The following PRRC2B variants were observed in gnomAD, a reference collection of about 807,000 sequenced individuals.
PRRC2B encodes proline rich coiled-coil 2B.
PRRC2B carries 68 observed loss-of-function variants against 242.3 expected under a neutral mutation model. That is an observed-to-expected ratio of 0.28 (90% CI 0.23 to 0.34). The LOEUF (loss-of-function observed/expected upper bound fraction) is 0.34, where lower values mean the gene tolerates loss of function less well. Among genes scored for constraint, PRRC2B ranks in the 10% least tolerant of loss-of-function variants. The pLI is 1.00. For missense variants in PRRC2B, 2,835 were observed against 2,954.8 expected, an observed-to-expected ratio of 0.96 and a Z score of 0.94; for synonymous variants, 1,228 against 1,173.6, an observed-to-expected ratio of 1.05 and a Z score of -0.95.
intron 28 of PRRC2B, 73 bp downstream of exon 28, chr9:131,488,169 G>GCCTCTCA (rs1944079907): frequency 6.6e-7 from 1 of 1,519,818 alleles, no homozygotes; most frequent in African/African-American, 1.4e-5. Context: ...CTTTTCACCC[G>GCCTCTCA]CCTCTCAGTG....
intron 1 of PRRC2B, among the ~76,000 whole-genome samples, chr9:131,420,458 TTTC>T (rs1564278479): frequency 2.3e-4 from 2 of 8,772 alleles, no homozygotes; most frequent in Non-Finnish European, 1.0e-3. Context: ...TTTCTTTTTC[TTTC>T]TTTCTTTCTT....
In PRRC2B at chr9:131,475,969, A is replaced by G. The variant is rs761040726; in HGVS notation, c.3840A>G (p.Arg1280=). The part of the protein sequence containing the change: ...GFEDSRAEDK[R]SFFQDEHVAD... The stretch of plus-strand genomic sequence containing the variant: ...AGGACAGCCGCGCGGAGGACAAGAG[A>G]TCCTTCTTCCAAGATGAACACGTGG... Residue 1280 remains arginine (R), a synonymous_variant, in exon 16 of 32, where the codon AGA becomes AGG. Coordinates refer to ENST00000683519, the MANE Select transcript of PRRC2B (RefSeq NM_013318.4). 3.4e-5 allele frequency: 55 copies of G among 1,611,456 alleles called. No homozygotes were observed. Among genetic ancestry groups the G allele is most frequent in the Non-Finnish European group, 4.4e-5 (52 of 1,178,014 alleles).
chr9:131,447,948 C>A, intron 9 of PRRC2B, 144 bp downstream of exon 9: 2 of 737,588 alleles, frequency 2.7e-6, no homozygotes, highest in East Asian at 3.0e-5. Context: ...AGACCTGATG[C>A]CCTCCTTCCT....
intron 14 of PRRC2B, 87 bp from the exon 15 acceptor site, chr9:131,473,418 CTGT>C: frequency 1.2e-6 from 1 of 827,420 alleles, no homozygotes; most frequent in South Asian, 1.7e-5. Flanking sequence ...GTCAGGGTAA[CTGT>C]TAACTTCTTT....
chr9:131,450,777 G>A (rs537899344), intron 9 of PRRC2B, among the ~76,000 whole-genome samples: 2 of 144,698 alleles, frequency 1.4e-5, no homozygotes, highest in Non-Finnish European at 3.0e-5. Context: ...TAGTAGAGAC[G>A]AAGTTTCACC....
At chr9:131,467,064 G>A (rs1943416801) in intron 12 of PRRC2B, among the ~76,000 whole-genome samples, 1 of 151,850 alleles carries the variant, frequency 6.6e-6, no homozygotes, top group African/African-American at 2.4e-5. Context: ...GCCTCCCAAA[G>A]TGCTGGGATT....
rs774217463 is a variant in PRRC2B at position 131,446,604 on chromosome 9, T to A, written c.817T>A (p.Tyr273Asn). The A allele has an allele frequency of 1.2e-6, 2 of 1,614,014 alleles. No individual in the cohort carries two copies. The highest frequency in any genetic ancestry group is 2.2e-5 in the South Asian group (2 of 91,090). The change falls in exon 7 of 32, where the codon TAC (tyrosine) becomes AAC (asparagine). Residue 273 changes from tyrosine to asparagine, a missense_variant. By Grantham distance (143) the Tyr-to-Asn change is moderately radical. Transcript: ENST00000683519. This position sits in a 1 kb window ranked among gnomAD's most constrained non-coding sequence, Gnocchi z 4.1. ...KGASQFMGNV[Y>N]HPPTYHDMLP... ...GGCTTCACAGTTCATGGGAAATGTA[T>A]ACCACCCACCTACATACCATGACAT...
In PRRC2B at chr9:131,447,784, A is replaced by G. The variant is rs1838851860; in HGVS notation, c.1100A>G (p.Asp367Gly). 3 of 1,613,198 alleles carry G rather than the reference A, an allele frequency of 1.9e-6. No homozygotes were observed. The highest frequency in any genetic ancestry group is 2.5e-6 in the Non-Finnish European group (3 of 1,179,362). The part of the protein sequence containing the change: ...NLKGLDDLDA[D>G]ADDGWAGLHE... ...AAGGGCCTTGACGATCTGGACGCCG[A>G]TGCCGATGATGGCTGGGCAGGTGGG... The change falls in exon 9 of 32, where the codon GAT becomes GGT. Residue 367 changes from aspartate (D) to glycine (G), a missense_variant. Asp to Gly is a moderately conservative substitution (Grantham distance 94, BLOSUM62 -1). This residue lies in a region of PRRC2B where 626 missense variants were observed against 685.5 expected (regional missense o/e 0.91). Coordinates refer to ENST00000683519, the MANE Select transcript of PRRC2B (RefSeq NM_013318.4).
chr9:131,479,108 T>A, intron 18 of PRRC2B, 144 bp from the exon 19 acceptor site: 1 of 775,970 alleles, frequency 1.3e-6, no homozygotes, highest in South Asian at 1.8e-5. Context: ...CAGTTCTGCT[T>A]GAGGTTTTGG....
intron 1 of PRRC2B, among the ~76,000 whole-genome samples, chr9:131,386,173 C>T (rs11243386): frequency 0.11 from 16,906 of 149,296 alleles, 1,686 homozygotes; most frequent in African/African-American, 0.19. Context: ...AGTGCAGTGG[C>T]GTGAACATGT....
At chr9:131,394,468 C>A (rs1283328941) in intron 1 of PRRC2B, among the ~76,000 whole-genome samples, 1 of 146,496 alleles carries the variant, frequency 6.8e-6, no homozygotes, top group African/African-American at 2.5e-5. Flanking sequence ...GGCCGCGGGG[C>A]CTGGGGGCGG....
intron 13 of PRRC2B, among the ~76,000 whole-genome samples, chr9:131,469,827 C>G (rs968600478): frequency 7.2e-5 from 11 of 152,202 alleles, no homozygotes; most frequent in African/African-American, 2.7e-4. Flanking sequence ...TTTGTTTACC[C>G]ATTTGTGCAA....
intron 1 of PRRC2B, among the ~76,000 whole-genome samples, chr9:131,420,508 T>TCCTTTC (rs1837807733): frequency 1.5e-5 from 2 of 129,502 alleles, no homozygotes; most frequent in African/African-American, 5.8e-5. Context: ...TTTTTTTTTT[T>TCCTTTC]TTGAGATGGA....
Position 131,484,881 on chromosome 9 carries a change from A to C in PRRC2B, c.5566-67A>C, listed in dbSNP as rs901956998. Reference sequence around the variant, plus strand: ...AGGAGTCCCCGAACCCCTAAAGCTTAGATTGGCTCTGTCCACTGCCAGCGT... The same window carrying C: ...AGGAGTCCCCGAACCCCTAAAGCTTCGATTGGCTCTGTCCACTGCCAGCGT... On this transcript the variant is annotated intron_variant, in intron 24 of 31. Transcript: ENST00000683519. 5.1e-6 allele frequency: 8 copies of C among 1,571,454 alleles called. No homozygotes were observed. The Admixed American group carries it at 1.0e-4, about 21-fold the overall frequency.
chr9:131,448,130 C>T (rs963978130), intron 9 of PRRC2B: 7 of 220,184 alleles, frequency 3.2e-5, no homozygotes, highest in African/African-American at 1.6e-4. Context: ...CAATAAGTAC[C>T]AATGTTCTGC....
At chr9:131,477,170 C>G (rs535175180) in intron 16 of PRRC2B, among the ~76,000 whole-genome samples, 1 of 152,214 alleles carries the variant, frequency 6.6e-6, no homozygotes, top group Non-Finnish European at 1.5e-5. Flanking sequence ...ACTGACTGCA[C>G]TTGGCTTGTG....
rs994466465 is a variant in PRRC2B at position 131,417,666 on chromosome 9, C to T, written c.-51-12428C>T. On this transcript the variant is annotated intron_variant, in intron 1 of 31. Transcript: ENST00000683519. The stretch of plus-strand genomic sequence containing the variant: ...TTGGGTTCTTCGCTGTTTTCATTTT[C>T]GGGGGTTGGAAGGATGAGCTGTACA... Among the ~76,000 whole-genome samples the T allele has an allele frequency of 8.5e-5, 13 of 152,076 alleles. No individual in the cohort carries two copies. In the East Asian group the frequency reaches 2.1e-3, roughly 25 times the overall value.
At chr9:131,447,999 T>TA (rs1434659642) in intron 9 of PRRC2B, 195 bp downstream of exon 9, 46 of 459,314 alleles carry the variant, frequency 1.0e-4, no homozygotes, top group Admixed American at 4.5e-4. Context: ...GGCCAAGCCA[T>TA]TAGCTTCTTT....
intron 1 of PRRC2B, among the ~76,000 whole-genome samples, chr9:131,395,842 G>A (rs1837037547): frequency 6.6e-6 from 1 of 152,210 alleles, no homozygotes; most frequent in Non-Finnish European, 1.5e-5. Flanking sequence ...AGTAGACCCG[G>A]AGTGTGTGGC....
Sources: allele counts gnomAD v4.1 joint callset (sites outside exome capture counted in the v4.1 genomes callset), GRCh38; gene constraint gnomAD v4.1.1; regional missense constraint gnomAD v4.1.1; non-coding constraint Gnocchi (gnomAD v3.1); transcripts MANE v1.5; gene names NCBI Gene and HGNC (gene_info 2026-07-23, HGNC 2026-07-21).